LRFN2: variants seen among roughly 807,000 people sequenced by gnomAD.
The protein encoded by LRFN2 is leucine rich repeat and fibronectin type III domain containing 2.
In LRFN2, 18 loss-of-function variants were observed where a neutral mutation model predicts 37.3. That is an observed-to-expected ratio of 0.48 (90% CI 0.33 to 0.72). LRFN2 has a LOEUF of 0.72. Ranked by LOEUF, LRFN2 falls within the 30% of genes least tolerant of loss-of-function variation. The pLI is 0.02. For missense variants in LRFN2, 1,006 were observed against 1,060.7 expected, an observed-to-expected ratio of 0.95 and a Z score of 0.72; for synonymous variants, 556 against 466.6, an observed-to-expected ratio of 1.19 and a Z score of -2.47.
chr6:40,399,466 C>CA (rs1762689927), intron 2 of LRFN2, among the ~76,000 whole-genome samples: 2 of 130,528 alleles, frequency 1.5e-5, no homozygotes, highest in African/African-American at 5.6e-5. Flanking sequence ...GACACAGTCT[C>CA]ACTCTGTAGC....
At chr6:40,566,038 GA>G (rs1581797478) in intron 1 of LRFN2, among the ~76,000 whole-genome samples, 2 of 152,154 alleles carry the variant, frequency 1.3e-5, no homozygotes, top group African/African-American at 2.4e-5. Flanking sequence ...AAATTTACAA[GA>G]AAAAAACAAA....
At chr6:40,500,560 C>T (rs992191127) in intron 1 of LRFN2, among the ~76,000 whole-genome samples, 4 of 152,218 alleles carry the variant, frequency 2.6e-5, no homozygotes, top group African/African-American at 9.7e-5. Context: ...AGGAAATAAT[C>T]ATGGTTATAC....
intron 1 of LRFN2, among the ~76,000 whole-genome samples, chr6:40,523,323 C>G (rs1766142563): frequency 6.6e-6 from 1 of 152,074 alleles, no homozygotes. Flanking sequence ...GCATCGCCCA[C>G]CTAACTCAGC....
At chr6:40,504,115 T>C (rs1327221205) in intron 1 of LRFN2, among the ~76,000 whole-genome samples, 3 of 152,106 alleles carry the variant, frequency 2.0e-5, no homozygotes, top group African/African-American at 7.2e-5. Context: ...GAAAGACCAA[T>C]GCAGACAGCA....
chr6:40,436,395 G>A (rs531523471), intron 1 of LRFN2, among the ~76,000 whole-genome samples: 1 of 152,216 alleles, frequency 6.6e-6, no homozygotes, highest in Non-Finnish European at 1.5e-5. Flanking sequence ...GCAGAGGTGA[G>A]CCATTGCTGC....
chr6:40,413,714 C>T (rs1181281157), intron 2 of LRFN2, among the ~76,000 whole-genome samples: 2 of 152,180 alleles, frequency 1.3e-5, no homozygotes, highest in Non-Finnish European at 2.9e-5. Flanking sequence ...GCCGAGGCTC[C>T]CCTCTGCCTT....
intron 1 of LRFN2, among the ~76,000 whole-genome samples, chr6:40,475,227 T>C (rs895421504): frequency 2.6e-5 from 4 of 152,124 alleles, no homozygotes; most frequent in South Asian, 2.1e-4. Flanking sequence ...CAAAGGACAA[T>C]TGATGCAGCG....
intron 1 of LRFN2, among the ~76,000 whole-genome samples, chr6:40,449,352 G>T (rs1049732883): frequency 1.3e-5 from 2 of 152,140 alleles, no homozygotes; most frequent in South Asian, 4.1e-4. Flanking sequence ...GTGTTATTTG[G>T]CCAAAAGGCC....
At chr6:40,577,249 G>A (rs35946702) in intron 1 of LRFN2, among the ~76,000 whole-genome samples, 1 of 151,300 alleles carries the variant, frequency 6.6e-6, no homozygotes, top group East Asian at 2.0e-4. Flanking sequence ...CTACAGGCAC[G>A]CGCGGCCATG....
rs983513973 is a variant in LRFN2, at chr6:40,399,630, G to C, written c.1401-6718C>G. Reference sequence around the variant, plus strand: ...TTTTTTGTATTTGAGTAGAGGCGGGGTTTCACCATGTTGCCCACGGTGGTC... The same window carrying C: ...TTTTTTGTATTTGAGTAGAGGCGGGCTTTCACCATGTTGCCCACGGTGGTC... On this transcript the variant is annotated intron_variant, in intron 2 of 2. Transcript: ENST00000338305. Among the ~76,000 whole-genome samples, 5 of 150,934 alleles carry C rather than the reference G, an allele frequency of 3.3e-5. No individual in the cohort carries two copies. The East Asian group carries it at 5.8e-4, about 18-fold the overall frequency.
intron 2 of LRFN2, among the ~76,000 whole-genome samples, chr6:40,404,509 C>A (rs1762805006): frequency 6.6e-6 from 1 of 152,170 alleles, no homozygotes; most frequent in Non-Finnish European, 1.5e-5. Flanking sequence ...GTTTCTGAGT[C>A]ATAACAGCCA....
intron 1 of LRFN2, among the ~76,000 whole-genome samples, chr6:40,537,143 G>A (rs114193432): frequency 0.018 from 2,691 of 152,236 alleles, 42 homozygotes; most frequent in Admixed American, 0.035. Flanking sequence ...TCCAGGGACG[G>A]GGAGCTCACT....
intron 1 of LRFN2, among the ~76,000 whole-genome samples, chr6:40,522,180 A>G (rs1398972220): frequency 6.6e-6 from 1 of 152,198 alleles, no homozygotes; most frequent in African/African-American, 2.4e-5. Flanking sequence ...AGTGCAGGGC[A>G]AAACATGGAA....
At chr6:40,410,175 G>A (rs1317251282) in intron 2 of LRFN2, among the ~76,000 whole-genome samples, 7 of 152,068 alleles carry the variant, frequency 4.6e-5, no homozygotes, top group Non-Finnish European at 7.4e-5. Context: ...GAGCAGAGCC[G>A]TCCCCACCCA....
intron 1 of LRFN2, among the ~76,000 whole-genome samples, chr6:40,524,438 C>T (rs1271122114): frequency 6.7e-6 from 1 of 149,668 alleles, no homozygotes; most frequent in African/African-American, 2.5e-5. Context: ...GACACACACA[C>T]ACTCTCTCAC....
intron 1 of LRFN2, among the ~76,000 whole-genome samples, chr6:40,483,217 G>A (rs982162507): frequency 6.6e-5 from 10 of 152,342 alleles, no homozygotes; most frequent in Admixed American, 3.9e-4. Context: ...TACCAGCTAC[G>A]CTGTAGATGT....
chr6:40,423,918 T>A (rs888938004), intron 2 of LRFN2, among the ~76,000 whole-genome samples: 4 of 152,220 alleles, frequency 2.6e-5, no homozygotes, highest in Non-Finnish European at 5.9e-5. Context: ...GGGCTCCTGA[T>A]GACCATGCTA....
At chr6:40,525,905 C>T (rs560901590) in intron 1 of LRFN2, among the ~76,000 whole-genome samples, 87 of 152,162 alleles carry the variant, frequency 5.7e-4, no homozygotes, top group Non-Finnish European at 1.0e-3. Context: ...CATTTCTGTG[C>T]TGAAATGAAC....
chr6:40,415,056 T>C (rs1482427384), intron 2 of LRFN2, among the ~76,000 whole-genome samples: 1 of 152,134 alleles, frequency 6.6e-6, no homozygotes, highest in Non-Finnish European at 1.5e-5. Flanking sequence ...ACCCCACATC[T>C]GCAAAGAGAC....
Sources: allele counts gnomAD v4.1 joint callset (sites outside exome capture counted in the v4.1 genomes callset), GRCh38; gene constraint gnomAD v4.1.1; transcripts MANE v1.5; gene names NCBI Gene and HGNC (gene_info 2026-07-23, HGNC 2026-07-21).